COL11A1: variants seen among roughly 807,000 people sequenced by gnomAD.
COL11A1 encodes the protein collagen type XI alpha 1 chain.
COL11A1 carries 74 observed loss-of-function variants against 265.2 expected under a neutral mutation model. The observed-to-expected ratio is 0.28, with a 90% CI of 0.23 to 0.34. The LOEUF is 0.34. Ranked by LOEUF, COL11A1 falls within the 10% of genes least tolerant of loss-of-function variation. The pLI is 1.00. For synonymous variants in COL11A1, 816 were observed against 727.6 expected, an observed-to-expected ratio of 1.12 and a Z score of -1.96; for missense variants, 2,165 against 2,263.6, an observed-to-expected ratio of 0.96 and a Z score of 0.88.
chr1:102,932,885 G>A (rs966668071), intron 46 of COL11A1, among the ~76,000 whole-genome samples: 40 of 151,310 alleles, frequency 2.6e-4, no homozygotes, highest in Non-Finnish European at 4.1e-4. Flanking sequence ...TGATCGCATC[G>A]GCTCCTGAGG....
intron 54 of COL11A1, among the ~76,000 whole-genome samples, chr1:102,907,714 T>C (rs973133528): frequency 4.1e-5 from 6 of 145,688 alleles, no homozygotes; most frequent in African/African-American, 1.5e-4. Flanking sequence ...ATATTTATTC[T>C]GCTTAATGTT....
chr1:102,940,466 AC>A (rs781054365), intron 42 of COL11A1, 32 bp from the exon 43 acceptor site: 20 of 1,539,896 alleles, frequency 1.3e-5, no homozygotes, highest in Non-Finnish European at 1.6e-5. Context: ...CATTAATTTT[AC>A]AGTTTTGAAG....
chr1:102,918,814 A>G (rs1363992994), intron 49 of COL11A1, among the ~76,000 whole-genome samples: 1 of 152,050 alleles, frequency 6.6e-6, no homozygotes, highest in African/African-American at 2.4e-5. Context: ...TTAAATGGAA[A>G]CAATGTGGAA....
At chr1:102,920,424 A>T in intron 48 of COL11A1, 60 bp from the exon 49 acceptor site, 1 of 1,404,436 alleles carries the variant, frequency 7.1e-7, no homozygotes, top group Non-Finnish European at 1.0e-6. Flanking sequence ...TGCATTCGTA[A>T]ACATATGTCT....
At chr1:102,993,668 G>C (rs1180101975) in intron 28 of COL11A1, among the ~76,000 whole-genome samples, 4 of 151,940 alleles carry the variant, frequency 2.6e-5, no homozygotes, top group Non-Finnish European at 5.9e-5. Flanking sequence ...CTCCCAAGTA[G>C]CTGGGACCAC....
In COL11A1 at chr1:102,915,664, C is replaced by G; in HGVS notation, c.3783G>C (p.Gly1261=). The change falls in exon 50 of 67, where the codon GGG becomes GGC. Residue 1261 remains glycine (G), a synonymous_variant. Coordinates refer to ENST00000370096, the MANE Select transcript of COL11A1 (RefSeq NM_001854.4). ...VGEKGEPGEA[G]NPGPPGEAGV... is the part of the protein sequence containing the mutation. ...CTGCTTCCCCAGGAGGCCCTGGGTT[C>G]CCTGCTTCTCCAGGTTCACCCTATA... 6.2e-7 allele frequency: 1 copy of G among 1,612,938 alleles called. No homozygotes were observed. Among genetic ancestry groups the G allele is most frequent in the Non-Finnish European group, 8.5e-7 (1 of 1,178,982 alleles).
intron 54 of COL11A1, among the ~76,000 whole-genome samples, chr1:102,902,368 C>T (rs569938406): frequency 6.6e-6 from 1 of 151,888 alleles, no homozygotes; most frequent in Non-Finnish European, 1.5e-5. Flanking sequence ...AAATAAACTG[C>T]CAAATTTAGT....
At chr1:103,085,636 C>T (rs1381094353) in intron 1 of COL11A1, among the ~76,000 whole-genome samples, 2 of 152,046 alleles carry the variant, frequency 1.3e-5, no homozygotes, top group Non-Finnish European at 2.9e-5. Flanking sequence ...TATTCAAAAA[C>T]AAGCAAAACA....
At chr1:103,064,103 G>T (rs746860179) in intron 4 of COL11A1, among the ~76,000 whole-genome samples, 20 of 152,244 alleles carry the variant, frequency 1.3e-4, no homozygotes, top group Admixed American at 9.8e-4. Context: ...ACAAACTCTC[G>T]TTCCTTGCTG....
chr1:103,068,593 C>A (rs189329959), intron 4 of COL11A1, among the ~76,000 whole-genome samples: 6 of 151,246 alleles, frequency 4.0e-5, no homozygotes, highest in Admixed American at 1.3e-4. Flanking sequence ...AAGTTATATT[C>A]GATGTATATC....
intron 1 of COL11A1, among the ~76,000 whole-genome samples, chr1:103,090,144 A>AT (rs1009893272): frequency 6.6e-6 from 1 of 151,558 alleles, no homozygotes; most frequent in East Asian, 1.9e-4. Flanking sequence ...TAAATAAATA[A>AT]ATAATAAAAT....
chr1:102,942,860 G>A (rs1478780436), intron 42 of COL11A1, among the ~76,000 whole-genome samples: 2 of 152,024 alleles, frequency 1.3e-5, no homozygotes, highest in African/African-American at 4.8e-5. Flanking sequence ...TCTGAAAAAT[G>A]ATTTAGAACT....
intron 36 of COL11A1, among the ~76,000 whole-genome samples, chr1:102,972,224 T>C (rs1662038674): frequency 6.6e-6 from 1 of 152,220 alleles, no homozygotes; most frequent in Non-Finnish European, 1.5e-5. Context: ...CTGGCTTTTT[T>C]TTCCACCATA....
intron 46 of COL11A1, among the ~76,000 whole-genome samples, chr1:102,923,931 G>A (rs1451429070): frequency 2.0e-5 from 3 of 151,758 alleles, no homozygotes; most frequent in African/African-American, 4.8e-5. Context: ...CTTTCAGGCC[G>A]GGCGCAGTGG....
At chr1:102,899,596 A>G (rs1042482748) in intron 54 of COL11A1, among the ~76,000 whole-genome samples, 6 of 152,198 alleles carry the variant, frequency 3.9e-5, no homozygotes, top group Admixed American at 6.5e-5. Flanking sequence ...ATTGAAAAAA[A>G]AATTACACTT....
At chr1:103,077,215 A>AT (rs1672043177) in intron 3 of COL11A1, among the ~76,000 whole-genome samples, 1 of 151,878 alleles carries the variant, frequency 6.6e-6, no homozygotes, top group African/African-American at 2.4e-5. Flanking sequence ...AACATTCTCC[A>AT]TTTTTTTATT....
intron 7 of COL11A1, among the ~76,000 whole-genome samples, chr1:103,023,370 C>CTTTTTTTTTTTT (rs112800509): frequency 1.1e-4 from 16 of 142,994 alleles, no homozygotes; most frequent in South Asian, 2.2e-4. Context: ...TTTTTTCTTT[C>CTTTTTTTTTTTT]TTTTTTTTTT....
intron 1 of COL11A1, among the ~76,000 whole-genome samples, chr1:103,091,335 C>T (rs958662565): frequency 1.3e-5 from 2 of 151,716 alleles, no homozygotes; most frequent in African/African-American, 4.8e-5. Context: ...TTAAATACTC[C>T]CATATTTGAA....
intron 24 of COL11A1, chr1:103,001,597 A>G: frequency 2.2e-6 from 1 of 460,976 alleles, no homozygotes. Context: ...AAACTTAATT[A>G]CTTTTTTGTA....
Sources: allele counts gnomAD v4.1 joint callset (sites outside exome capture counted in the v4.1 genomes callset), GRCh38; gene constraint gnomAD v4.1.1; transcripts MANE v1.5; gene names NCBI Gene and HGNC (gene_info 2026-07-23, HGNC 2026-07-21).